Variants in ROCK1 observed in about 807,000 individuals in gnomAD.
The protein encoded by ROCK1 is rho-associated protein kinase 1.
Under a neutral mutation model 196.8 loss-of-function variants are expected in ROCK1, and 36 were observed. The observed-to-expected ratio is 0.18, with a 90% CI of 0.14 to 0.24. The LOEUF (loss-of-function observed/expected upper bound fraction) is 0.24. Among genes scored for constraint, ROCK1 ranks in the 10% least tolerant of loss-of-function variants. The probability of loss-of-function intolerance (pLI) is 1.00; values close to 1 mark genes in which losing one functional copy is unlikely to be tolerated. For synonymous variants in ROCK1, 443 were observed against 515.9 expected (o/e 0.86, Z 1.91); for missense variants, 920 against 1,562.0 (o/e 0.59, Z 6.93).
intron 8 of ROCK1, 135 bp from the exon 9 acceptor site, chr18:21,039,698 G>A: frequency 1.6e-6 from 1 of 610,616 alleles, no homozygotes; most frequent in South Asian, 2.2e-5. Flanking sequence ...TATATTGTCA[G>A]CATAGTATCA....
At chr18:21,071,773 C>T (rs1448900585) in intron 1 of ROCK1, among the ~76,000 whole-genome samples, 1 of 151,914 alleles carries the variant, frequency 6.6e-6, no homozygotes, top group African/African-American at 2.4e-5. Flanking sequence ...AAGAACCAGG[C>T]AAAAGCATTT....
At chr18:20,981,622 A>G (rs1029214391) in intron 21 of ROCK1, among the ~76,000 whole-genome samples, 7 of 152,178 alleles carry the variant, frequency 4.6e-5, no homozygotes, top group Non-Finnish European at 1.0e-4. Flanking sequence ...TTCATTTTAA[A>G]AGAAAAAGAG....
chr18:20,971,809 T>C (rs1216923782), intron 22 of ROCK1, among the ~76,000 whole-genome samples: 1 of 151,886 alleles, frequency 6.6e-6, no homozygotes, highest in Non-Finnish European at 1.5e-5. Context: ...AAGTGCTATA[T>C]AGTATGCCAC....
At chr18:21,006,160 T>C (rs2035766631) in intron 16 of ROCK1, among the ~76,000 whole-genome samples, 191 bp downstream of exon 16, 1 of 152,170 alleles carries the variant, frequency 6.6e-6, no homozygotes, top group African/African-American at 2.4e-5. Context: ...GGATAAACCT[T>C]GAAGACATTG....
At position 20,948,469 on chromosome 18, in the gene ROCK1, CTTATT is replaced by C. The variant is rs2035150850; in HGVS notation, c.*2910_*2914del. The C allele has an allele frequency of 6.6e-6, 1 of 150,426 alleles. No homozygotes were observed. The highest frequency in any genetic ancestry group is 2.1e-4 in the South Asian group (1 of 4,816). The allele number at this position is 150,426 out of a possible 1,614,324, so 9.3% of individuals were successfully genotyped here. On this transcript the variant is annotated 3_prime_UTR_variant, in exon 33 of 33. Coordinates refer to ENST00000399799, the MANE Select transcript of ROCK1 (RefSeq NM_005406.3). ...TGAGTTTGTCATTTAAGTTCTTTTA[CTTATT>C]TTTTTTACTTTAAATGAAGGGTGAA... is the stretch of plus-strand genomic sequence containing the variant.
intron 21 of ROCK1, among the ~76,000 whole-genome samples, chr18:20,980,369 G>C (rs1229048384): frequency 6.6e-6 from 1 of 152,220 alleles, no homozygotes; most frequent in Admixed American, 6.5e-5. Flanking sequence ...GAAACCACGT[G>C]TTAAAGAGTG....
intron 1 of ROCK1, among the ~76,000 whole-genome samples, chr18:21,074,114 T>C (rs1294198078): frequency 6.6e-6 from 1 of 152,184 alleles, no homozygotes; most frequent in Non-Finnish European, 1.5e-5. Context: ...TCTATGATTT[T>C]GCCACTGCAC....
chr18:21,049,726 G>T, intron 3 of ROCK1, 54 bp downstream of exon 3: 1 of 1,046,578 alleles, frequency 9.6e-7, no homozygotes. Context: ...AAACACACAA[G>T]TGGATTATTT....
intron 29 of ROCK1, among the ~76,000 whole-genome samples, chr18:20,959,086 T>TATATATAATATATATAATATTATATATA (rs1568367368): frequency 0.014 from 405 of 29,788 alleles, 40 homozygotes; most frequent in Admixed American, 0.036. Context: ...ATATATATAT[T>TATATATAATATATATAATATTATATATA]TTATATAATA....
rs1303405305 is a variant in ROCK1, at chr18:21,027,920, C to T, written c.1211+856G>A. Among the ~76,000 whole-genome samples, 3 of 145,700 alleles carry T rather than the reference C, an allele frequency of 2.1e-5. No individual in the cohort carries two copies. In the East Asian group the frequency reaches 6.1e-4, roughly 30 times the overall value. ...GGGACTACAGGCGCCCGCTACCACG[C>T]CCGGCTAATTTTTTGTATTTTTAGT... On this transcript the variant is annotated intron_variant, in intron 10 of 32. Coordinates refer to ENST00000399799, the MANE Select transcript of ROCK1 (RefSeq NM_005406.3).
chr18:21,070,395 TTCCTACTAAA>T (rs2036373809), intron 2 of ROCK1, 127 bp downstream of exon 2: 1 of 533,628 alleles, frequency 1.9e-6, no homozygotes, highest in Non-Finnish European at 3.3e-6. Context: ...TCTTTCACAC[TTCCTACTAAA>T]TTCTATGTAG....
chr18:21,042,318 G>A (rs558750469), intron 7 of ROCK1, 83 bp from the exon 8 acceptor site: 99 of 1,258,392 alleles, frequency 7.9e-5, no homozygotes, highest in Middle Eastern at 2.8e-4. Flanking sequence ...AAAGTTACCC[G>A]TTTAAAAAGA....
At chr18:20,966,735 T>G (rs1348100784) in intron 27 of ROCK1, among the ~76,000 whole-genome samples, 182 bp downstream of exon 27, 1 of 152,212 alleles carries the variant, frequency 6.6e-6, no homozygotes, top group Non-Finnish European at 1.5e-5. Flanking sequence ...TGCTTACAAC[T>G]GCTCTACTCC....
At chr18:21,030,746 ATTTG>A (rs1042723954) in intron 9 of ROCK1, among the ~76,000 whole-genome samples, 17 of 152,200 alleles carry the variant, frequency 1.1e-4, no homozygotes, top group African/African-American at 3.4e-4. Flanking sequence ...ATCAGTATAT[ATTTG>A]TTTAAAAATT....
chr18:21,073,807 T>G (rs2036407573), intron 1 of ROCK1, among the ~76,000 whole-genome samples: 1 of 152,154 alleles, frequency 6.6e-6, no homozygotes, highest in African/African-American at 2.4e-5. Flanking sequence ...TAAGAGAGGA[T>G]ATACCATTTA....
At chr18:21,103,785 T>G (rs2036679624) in intron 1 of ROCK1, among the ~76,000 whole-genome samples, 1 of 152,120 alleles carries the variant, frequency 6.6e-6, no homozygotes, top group South Asian at 2.1e-4. Context: ...AACTATCTGG[T>G]CCAACTCTTT....
chr18:21,039,678 AAGG>A, intron 8 of ROCK1, 115 bp from the exon 9 acceptor site: 1 of 684,980 alleles, frequency 1.5e-6, no homozygotes, highest in Non-Finnish European at 2.6e-6. Flanking sequence ...ATATAGTTCT[AAGG>A]TGAAATTATA....
Position 21,069,334 on chromosome 18 carries a change from T to C in ROCK1, c.175+1198A>G, listed in dbSNP as rs1241628240. ...CATGATTTTTACCTACTGCTACATA[T>C]GACTGCCCTAAAATTTTGTTATATT... On this transcript the variant is annotated intron_variant, in intron 2 of 32. Coordinates refer to ENST00000399799, the MANE Select transcript of ROCK1 (RefSeq NM_005406.3). 1.1e-4 allele frequency among the ~76,000 whole-genome samples: 16 copies of C among 152,244 alleles called. 1 individual carries two copies. In the South Asian group the frequency reaches 3.3e-3, roughly 32 times the overall value.
At chr18:21,027,928 A>T (rs956903825) in intron 10 of ROCK1, among the ~76,000 whole-genome samples, 1 of 144,472 alleles carries the variant, frequency 6.9e-6, no homozygotes, top group African/African-American at 2.5e-5. Flanking sequence ...CGCCCGGCTA[A>T]TTTTTTGTAT....
Sources: allele counts gnomAD v4.1 joint callset (sites outside exome capture counted in the v4.1 genomes callset), GRCh38; gene constraint gnomAD v4.1.1; transcripts MANE v1.5; gene names NCBI Gene and HGNC (gene_info 2026-07-23, HGNC 2026-07-21).